Variants in NFS1 observed in about 807,000 individuals in gnomAD.
The protein encoded by NFS1 is cysteine desulfurase.
Under a neutral mutation model 57.3 loss-of-function variants are expected in NFS1, and 26 were observed. That is an observed-to-expected ratio of 0.45 (90% CI 0.33 to 0.63). NFS1 has a LOEUF of 0.63. NFS1 is among the 20% of genes least tolerant of loss of function. The pLI is 0.02. For synonymous variants in NFS1, 209 were observed against 216.3 expected (o/e 0.97, Z 0.30); for missense variants, 505 against 605.8 (o/e 0.83, Z 1.75).
At chr20:35,672,430 T>C (rs2096262960) in intron 12 of NFS1, among the ~76,000 whole-genome samples, 1 of 152,128 alleles carries the variant, frequency 6.6e-6, no homozygotes, top group African/African-American at 2.4e-5. Context: ...TTTTGTATTT[T>C]AGTAGAGACG....
intron 5 of NFS1, among the ~76,000 whole-genome samples, chr20:35,683,939 G>C (rs6058297): frequency 0.26 from 39,127 of 151,150 alleles, 5,838 homozygotes; most frequent in African/African-American, 0.42. Context: ...CATGGTGAAA[G>C]CACTGCTCTA....
intron 2 of NFS1, 116 bp downstream of exon 2, chr20:35,698,365 C>T: frequency 1.2e-6 from 1 of 824,350 alleles, no homozygotes; most frequent in Non-Finnish European, 1.9e-6. Flanking sequence ...TCGCTCAGTG[C>T]TTTTTCCAGC....
intron 4 of NFS1, chr20:35,692,401 A>G: frequency 6.7e-6 from 1 of 150,358 alleles, no homozygotes; most frequent in Admixed American, 7.2e-5. Flanking sequence ...TAATTAATTA[A>G]AAAAAAAAAA....
intron 12 of NFS1, 94 bp downstream of exon 12, chr20:35,672,661 C>A: frequency 1.2e-6 from 1 of 826,746 alleles, no homozygotes; most frequent in Non-Finnish European, 2.1e-6. Context: ...TACGCTTGAA[C>A]TTTGGTTTTG....
intron 7 of NFS1, among the ~76,000 whole-genome samples, chr20:35,680,439 T>C (rs1157163875): frequency 6.6e-6 from 1 of 152,246 alleles, no homozygotes; most frequent in Admixed American, 6.5e-5. Flanking sequence ...TAGCTGGGCC[T>C]ATCTAGATAA....
intron 5 of NFS1, among the ~76,000 whole-genome samples, chr20:35,684,189 C>T (rs1314073377): frequency 1.3e-5 from 2 of 151,064 alleles, no homozygotes; most frequent in Non-Finnish European, 2.9e-5. Flanking sequence ...GGGCGGATCA[C>T]AAGGTCAGGA....
chr20:35,696,444 A>G lies in NFS1; in HGVS notation c.341T>C (p.Ile114Thr), dbSNP rs1177549635. Residue 114 changes from isoleucine (I) to threonine (T), a missense_variant, in exon 4 of 13, where the codon ATT becomes ACT. By Grantham distance (89) the Ile-to-Thr change is moderately conservative. Transcript: ENST00000374092. The part of the protein sequence containing the change: ...ERARQQVASL[I>T]GADPREIIFT... ...AATGATCTCACGAGGATCAGCTCCA[A>G]TCAGAGATGCTACTTGCTGCAAGCC... 1.1e-5 allele frequency: 17 copies of G among 1,613,808 alleles called. No homozygotes were observed. Among genetic ancestry groups the G allele is most frequent in the Non-Finnish European group, 1.4e-5 (17 of 1,179,712 alleles).
At position 35,697,818 on chromosome 20, in the gene NFS1, G is replaced by C. The variant is rs1419269861; in HGVS notation, c.208-18C>G. ...CGGGGGTCCTGAACACAACAGAACA[G>C]ATCATTTTCCTTGAGCGCATCGTCA... is the stretch of plus-strand genomic sequence containing the variant. On this transcript the variant is annotated intron_variant, in intron 2 of 12. Transcript: ENST00000374092. 6.4e-7 allele frequency: 1 copy of C among 1,553,588 alleles called. No individual in the cohort carries two copies. The highest frequency in any genetic ancestry group is 1.4e-5 in the African/African-American group (1 of 73,426).
chr20:35,688,200 G>A (rs559088757), intron 5 of NFS1, among the ~76,000 whole-genome samples: 2 of 152,156 alleles, frequency 1.3e-5, no homozygotes, highest in East Asian at 3.9e-4. Flanking sequence ...AACGAGCCAA[G>A]ATCGTGCCAT....
intron 5 of NFS1, among the ~76,000 whole-genome samples, chr20:35,684,627 G>A (rs1442646722): frequency 1.3e-5 from 2 of 150,292 alleles, no homozygotes; most frequent in Non-Finnish European, 3.0e-5. Flanking sequence ...GCAGACACCT[G>A]TAATCCAAGC....
In NFS1 at chr20:35,682,088, T is replaced by C. The variant is rs2034857698; in HGVS notation, c.562-107A>G. 1.5e-5 allele frequency: 8 copies of C among 550,370 alleles called. No homozygotes were observed. The East Asian group carries it at 2.3e-4, about 16-fold the overall frequency. 34.1% of individuals were successfully genotyped at this position (550,370 alleles called of 1,614,324 possible). ...AAAGGAGTCTTATACTACATACCTA[T>C]CTGAATAGTTAACTAAAAACAGTGA... is the stretch of plus-strand genomic sequence containing the variant. On this transcript the variant is annotated intron_variant, in intron 5 of 12. Coordinates refer to ENST00000374092, the MANE Select transcript of NFS1 (RefSeq NM_021100.5).
At chr20:35,670,452 G>T (rs1360002733) in intron 12 of NFS1, among the ~76,000 whole-genome samples, 1 of 152,186 alleles carries the variant, frequency 6.6e-6, no homozygotes, top group East Asian at 1.9e-4. Flanking sequence ...TTACAGTTTA[G>T]ATTTCACCAG....
intron 4 of NFS1, among the ~76,000 whole-genome samples, chr20:35,691,479 G>A (rs1195571207): frequency 6.6e-6 from 1 of 150,970 alleles, no homozygotes; most frequent in East Asian, 1.9e-4. Flanking sequence ...AGTGCCTCAC[G>A]ACTGTAATCC....
chr20:35,691,738 CAAAAAA>C (rs60402350), intron 4 of NFS1, among the ~76,000 whole-genome samples: 1 of 18,158 alleles, frequency 5.5e-5, no homozygotes, highest in Non-Finnish European at 1.3e-4. Flanking sequence ...GACTGCATCT[CAAAAAA>C]AAAAAAAAAA....
At chr20:35,684,556 C>A (rs1306459301) in intron 5 of NFS1, among the ~76,000 whole-genome samples, 3 of 151,596 alleles carry the variant, frequency 2.0e-5, no homozygotes, top group African/African-American at 4.9e-5. Flanking sequence ...TTTGGACCAG[C>A]CCAGCCAACA....
At chr20:35,676,325 C>T in intron 7 of NFS1, 1 of 151,966 alleles carries the variant, frequency 6.6e-6, no homozygotes, top group Non-Finnish European at 1.5e-5. Flanking sequence ...CGGTGGCTCA[C>T]ACCTGTAATC....
At chr20:35,698,794 G>A (rs1003896019) in intron 1 of NFS1, 6 of 1,390,262 alleles carry the variant, frequency 4.3e-6, no homozygotes, top group African/African-American at 1.5e-5. Flanking sequence ...GGTTCCTGGA[G>A]GGGGTGTTGA....
At chr20:35,687,598 T>C (rs760052953) in intron 5 of NFS1, among the ~76,000 whole-genome samples, 7 of 152,300 alleles carry the variant, frequency 4.6e-5, no homozygotes, top group Middle Eastern at 3.4e-3. Flanking sequence ...ACTACCAGTC[T>C]CCGTGCCTTG....
At chr20:35,689,121 G>GT (rs2034996034) in intron 5 of NFS1, among the ~76,000 whole-genome samples, 1 of 152,208 alleles carries the variant, frequency 6.6e-6, no homozygotes, top group South Asian at 2.1e-4. Flanking sequence ...CATGGTGAAT[G>GT]TGAGTCCCTG....
Sources: allele counts gnomAD v4.1 joint callset (sites outside exome capture counted in the v4.1 genomes callset), GRCh38; gene constraint gnomAD v4.1.1; transcripts MANE v1.5; gene names NCBI Gene and HGNC (gene_info 2026-07-23, HGNC 2026-07-21).